Variants in TOP2B observed in about 807,000 individuals in gnomAD.
TOP2B encodes the protein DNA topoisomerase 2-beta.
Under a neutral mutation model 193.5 loss-of-function variants are expected in TOP2B, and 51 were observed. The observed-to-expected ratio is 0.26, with a 90% CI of 0.21 to 0.33. The LOEUF (loss-of-function observed/expected upper bound fraction) is 0.33, where lower values mean the gene tolerates loss of function less well. TOP2B is among the 10% of genes least tolerant of loss of function. The pLI is 1.00. For synonymous variants in TOP2B, 634 were observed against 635.7 expected (o/e 1.00, Z 0.04); for missense variants, 1,378 against 1,909.3 (o/e 0.72, Z 5.19).
At position 25,598,306 on chromosome 3, in the gene TOP2B, CTTAA is replaced by C. The variant is rs768658223; in HGVS notation, c.4878_4881del (p.Asn1626LysfsTer36). 2 of 1,601,636 alleles carry C rather than the reference CTTAA, an allele frequency of 1.2e-6. No individual in the cohort carries two copies. The highest frequency in any genetic ancestry group is 8.5e-7 in the Non-Finnish European group (1 of 1,172,542). On this transcript the variant is annotated frameshift_variant and stop_lost, in exon 36 of 36. Coordinates refer to ENST00000264331, the MANE Select transcript of TOP2B (RefSeq NM_001330700.2). LOFTEE classifies it high-confidence loss of function. ...GAAAAATGTTTGTGCTCTTTGGGCA[CTTAA>C]TTAAACATTGCAAAATCAACATCAT...
chr3:25,664,706 T>G lies in TOP2B; in HGVS notation c.-409A>C. Reference sequence around the variant, plus strand: ...ACGTGGCGAGGACGCAGAGGTGCCTTGTCCTTCTCACACTCCGCGAAGGCC... The same window carrying G: ...ACGTGGCGAGGACGCAGAGGTGCCTGGTCCTTCTCACACTCCGCGAAGGCC... On this transcript the variant is annotated 5_prime_UTR_variant, in exon 1 of 36. Transcript: ENST00000264331. 7.1e-6 allele frequency: 7 copies of G among 985,042 alleles called. No individual in the cohort carries two copies. The highest frequency in any genetic ancestry group is 8.4e-6 in the Non-Finnish European group (7 of 829,784). The allele number at this position is 985,042 out of a possible 1,614,324, so 61.0% of individuals were successfully genotyped here. A position where few individuals can be genotyped will look rare whatever the true frequency, so the allele number is the denominator to read the frequency against.
In TOP2B at chr3:25,633,920, T is replaced by C; in HGVS notation, c.947A>G (p.Glu316Gly). 6.2e-7 allele frequency: 1 copy of C among 1,613,328 alleles called. No individual in the cohort carries two copies. Among genetic ancestry groups the C allele is most frequent in the Non-Finnish European group, 8.5e-7 (1 of 1,179,466 alleles). Reference protein sequence around the residue: ...ALKVIHELANERWDVCLTLSE... With the variant: ...ALKVIHELANGRWDVCLTLSE... ...CAATGTGAGACAAACATCCCATCTT[T>C]CATTTGCAAGCTCATGAATAACTTT... is the stretch of plus-strand genomic sequence containing the variant. The change falls in exon 8 of 36, where the codon GAA (glutamate) becomes GGA (glycine). Residue 316 changes from glutamate (E) to glycine (G), a missense_variant. Glu to Gly is a moderately conservative substitution (Grantham distance 98). Around this residue, in one of 9 missense-constraint regions of TOP2B, gnomAD observed 222 missense variants for 306.6 expected, o/e 0.72. Coordinates refer to ENST00000264331, the MANE Select transcript of TOP2B (RefSeq NM_001330700.2).
At chr3:25,644,598 G>T (rs1703358663) in intron 2 of TOP2B, among the ~76,000 whole-genome samples, 1 of 151,108 alleles carries the variant, frequency 6.6e-6, no homozygotes, top group Non-Finnish European at 1.5e-5. Context: ...CTACTTGGAA[G>T]GCTGAGGCAG....
In TOP2B at chr3:25,598,156, G is replaced by A; in HGVS notation, c.*151C>T. 1 of 753,360 alleles carries A rather than the reference G, an allele frequency of 1.3e-6. No homozygotes were observed. Among genetic ancestry groups the A allele is most frequent in the Non-Finnish European group, 2.1e-6 (1 of 483,834 alleles). 46.7% of individuals were successfully genotyped at this position (753,360 alleles called of 1,614,324 possible). ...AAAGAGCATAAAACTGTATGTGTAAGAACAAAATGTTAAAAGGCCTACCAC... is the reference window on the plus strand; with the variant it reads ...AAAGAGCATAAAACTGTATGTGTAAAAACAAAATGTTAAAAGGCCTACCAC... On this transcript the variant is annotated 3_prime_UTR_variant, in exon 36 of 36. Transcript: ENST00000264331.
intron 33 of TOP2B, among the ~76,000 whole-genome samples, chr3:25,602,377 A>G (rs2125342265): frequency 6.8e-6 from 1 of 147,580 alleles, no homozygotes; most frequent in South Asian, 2.2e-4. Context: ...AGCCTTGGTG[A>G]CAGAGCAAGA....
chr3:25,620,829 AG>A lies in TOP2B; in HGVS notation c.2728-14del, dbSNP rs1369156121. The stretch of plus-strand genomic sequence containing the variant: ...TGTAGTTTGGAAGCTGTAGAGAAAA[AG>A]GTAAATAGCATTGACTTCTCTCTTG... On this transcript the variant is annotated splice_polypyrimidine_tract_variant and intron_variant, in intron 21 of 35. Coordinates refer to ENST00000264331, the MANE Select transcript of TOP2B (RefSeq NM_001330700.2). 2 of 1,611,496 alleles carry A rather than the reference AG, an allele frequency of 1.2e-6. No homozygotes were observed. Among genetic ancestry groups the A allele is most frequent in the Non-Finnish European group, 8.5e-7 (1 of 1,178,674 alleles).
In TOP2B at chr3:25,615,195, C is replaced by G. The variant is rs770415254; in HGVS notation, c.3591+10G>C. The G allele has an allele frequency of 1.6e-5, 25 of 1,603,248 alleles. No homozygotes were observed. In the South Asian group the frequency reaches 2.6e-4, roughly 17 times the overall value. ...TTTTCCAAATAAATTTTAATAGAGA[C>G]TTAACCTACATCCAGTTCTTCAACA... is the stretch of plus-strand genomic sequence containing the variant. On this transcript the variant is annotated intron_variant, in intron 27 of 35. Transcript: ENST00000264331.
intron 13 of TOP2B, 29 bp downstream of exon 13, chr3:25,630,000 T>A: frequency 6.5e-7 from 1 of 1,550,348 alleles, no homozygotes; most frequent in Non-Finnish European, 8.7e-7. Context: ...AGACATGAAT[T>A]TGAAATATGT....
In TOP2B at chr3:25,612,541, T is replaced by C; in HGVS notation, c.3760A>G (p.Ser1254Gly). 1 of 1,610,100 alleles carries C rather than the reference T, an allele frequency of 6.2e-7. No individual in the cohort carries two copies. Among genetic ancestry groups the C allele is most frequent in the East Asian group, 2.2e-5 (1 of 44,814 alleles). ...PEITAMKADA[S>G]KKLLKKKKGD... ...TTCTTCTTCTTCAGCAACTTTTTGC[T>C]GGCATCTGCCTTCATAGCTGTAATT... The change falls in exon 28 of 36, where the codon AGC (serine) becomes GGC (glycine). Residue 1254 changes from serine (S) to glycine (G), a missense_variant. Physicochemically the swap from Ser to Gly is moderately conservative, Grantham distance 56. Around this residue, in one of 9 missense-constraint regions of TOP2B, gnomAD observed 556 missense variants for 584.2 expected, o/e 0.95. Transcript: ENST00000264331.
Position 25,598,183 on chromosome 3 carries a change from AT to A in TOP2B, c.*123del. On this transcript the variant is annotated 3_prime_UTR_variant, in exon 36 of 36. Coordinates refer to ENST00000264331, the MANE Select transcript of TOP2B (RefSeq NM_001330700.2). ...ACAAAATGTTAAAAGGCCTACCACA[AT>A]AATAAAAAACCGTCAATTACATCAT... 3 of 1,047,704 alleles carry A rather than the reference AT, an allele frequency of 2.9e-6. No individual in the cohort carries two copies. The highest frequency in any genetic ancestry group is 4.1e-6 in the Non-Finnish European group (3 of 733,858). 64.9% of individuals were successfully genotyped at this position (1,047,704 alleles called of 1,614,324 possible).
intron 1 of TOP2B, among the ~76,000 whole-genome samples, chr3:25,649,582 T>C (rs1703519749): frequency 6.7e-6 from 1 of 148,354 alleles, no homozygotes. Flanking sequence ...TAGAAGGGAT[T>C]GGAAGAATAT....
chr3:25,650,128 C>G (rs144286112), intron 1 of TOP2B, among the ~76,000 whole-genome samples: 1 of 152,048 alleles, frequency 6.6e-6, no homozygotes, highest in Admixed American at 6.5e-5. Context: ...TATTTATCAT[C>G]AAAACTCTCA....
At chr3:25,626,731 T>C in intron 17 of TOP2B, 41 bp downstream of exon 17, 1 of 1,546,042 alleles carries the variant, frequency 6.5e-7, no homozygotes, top group South Asian at 1.2e-5. Context: ...TTCTAGTCTC[T>C]CTCTCCTTCT....
chr3:25,632,388 G>A (rs1459190004), intron 10 of TOP2B, 58 bp downstream of exon 10: 1 of 1,415,500 alleles, frequency 7.1e-7, no homozygotes, highest in Non-Finnish European at 9.5e-7. Context: ...AGTAAATCAA[G>A]AAAACTACCT....
rs1473650062 is a variant in TOP2B, at chr3:25,638,179, T to C, written c.527A>G (p.Glu176Gly). The change falls in exon 5 of 36, where the codon GAG becomes GGG. Residue 176 changes from glutamate (E) to glycine (G), a missense_variant. Glu to Gly is a moderately conservative substitution (Grantham distance 98). Around this residue, in one of 9 missense-constraint regions of TOP2B, gnomAD observed 222 missense variants for 306.6 expected, o/e 0.72. Transcript: ENST00000264331. Reference sequence around the variant, plus strand: ...TCAGACTTTACCTGTAACTTTTTTCTCATCATCATCATAGTTACTGGATGT... The same window carrying C: ...TCAGACTTTACCTGTAACTTTTTTCCCATCATCATCATAGTTACTGGATGT... Reference protein sequence around the residue: ...LLTSSNYDDDEKKVTGGRNGY... With the variant: ...LLTSSNYDDDGKKVTGGRNGY... 1.3e-6 allele frequency: 2 copies of C among 1,565,758 alleles called. No individual in the cohort carries two copies. The highest frequency in any genetic ancestry group is 1.7e-6 in the Non-Finnish European group (2 of 1,154,242).
At chr3:25,656,822 C>T (rs1703759082) in intron 1 of TOP2B, among the ~76,000 whole-genome samples, 1 of 152,144 alleles carries the variant, frequency 6.6e-6, no homozygotes, top group African/African-American at 2.4e-5. Context: ...TACACCTTTT[C>T]TAAATTTCTA....
intron 21 of TOP2B, 52 bp downstream of exon 21, chr3:25,623,463 G>T (rs889756753): frequency 2.7e-6 from 4 of 1,493,114 alleles, no homozygotes; most frequent in Non-Finnish European, 3.7e-6. Context: ...ACGGGAATTT[G>T]TAGTTTACAC....
At chr3:25,662,228 A>C (rs1307226052) in intron 1 of TOP2B, among the ~76,000 whole-genome samples, 2 of 152,242 alleles carry the variant, frequency 1.3e-5, no homozygotes, top group Non-Finnish European at 2.9e-5. Flanking sequence ...GTTCCTTGGG[A>C]AAAGTCCAAC....
chr3:25,642,965 C>T (rs1035591173), intron 3 of TOP2B, among the ~76,000 whole-genome samples: 1 of 152,108 alleles, frequency 6.6e-6, no homozygotes, highest in Non-Finnish European at 1.5e-5. Context: ...ATGCTCCTGA[C>T]AAACACTTGC....
Sources: allele counts gnomAD v4.1 joint callset (sites outside exome capture counted in the v4.1 genomes callset), GRCh38; gene constraint gnomAD v4.1.1; regional missense constraint gnomAD v4.1.1; transcripts MANE v1.5; gene names NCBI Gene and HGNC (gene_info 2026-07-23, HGNC 2026-07-21).